The following DMRT3 variants were observed in gnomAD, a reference collection of about 807,000 sequenced individuals.
DMRT3 encodes doublesex and mab-3 related transcription factor 3, also known as doublesex- and mab-3-related transcription factor 3.
Under a neutral mutation model 34.9 loss-of-function variants are expected in DMRT3, and 29 were observed. The observed-to-expected ratio is 0.83, with a 90% CI of 0.62 to 1.13. The LOEUF (loss-of-function observed/expected upper bound fraction) is 1.13. Among genes scored for constraint, DMRT3 ranks in the 50% most tolerant of loss-of-function variants. DMRT3 has a pLI of 0.00. For synonymous variants in DMRT3, 350 were observed against 286.0 expected (o/e 1.22, Z -2.26); for missense variants, 772 against 629.1 (o/e 1.23, Z -2.43).
intron 1 of DMRT3, among the ~76,000 whole-genome samples, chr9:986,366 A>G (rs1333128654): frequency 1.3e-5 from 2 of 151,018 alleles, no homozygotes. Flanking sequence ...GTAATGGTAG[A>G]GTCATTATGT....
At position 991,174 on chromosome 9, in the gene DMRT3, C is replaced by G; in HGVS notation, c.*169C>G. 1 of 901,338 alleles carries G rather than the reference C, an allele frequency of 1.1e-6. No individual in the cohort carries two copies. The allele number at this position is 901,338 out of a possible 1,614,324, so 55.8% of individuals were successfully genotyped here. On this transcript the variant is annotated 3_prime_UTR_variant, in exon 2 of 2. Transcript: ENST00000190165. ...AACATAACTTATTTAACTTCTTGCA[C>G]TTCACTGGAAAATGCCAAATAGCTC...
chr9:990,248 C>T lies in DMRT3; in HGVS notation c.662C>T (p.Pro221Leu). 6.2e-7 allele frequency: 1 copy of T among 1,613,964 alleles called. No individual in the cohort carries two copies. The highest frequency in any genetic ancestry group is 1.1e-5 in the South Asian group (1 of 91,042). Residue 221 changes from proline (P) to leucine (L), a missense_variant, in exon 2 of 2, where the codon CCC becomes CTC. Coordinates refer to ENST00000190165, the MANE Select transcript of DMRT3 (RefSeq NM_021240.4). ...AACCCCGAGAGCCGCCCTGACAGCC[C>T]CAAGTGTCACGCGGAGCAGAATCAC... ...GGNPESRPDS[P>L]KCHAEQNHLL...
At position 977,397 on chromosome 9, in the gene DMRT3, G is replaced by C; in HGVS notation, c.396G>C (p.Ala132=). 8.0e-7 allele frequency: 1 copy of C among 1,248,066 alleles called. No individual in the cohort carries two copies. The highest frequency in any genetic ancestry group is 1.0e-6 in the Non-Finnish European group (1 of 998,370). The allele number at this position is 1,248,066 out of a possible 1,614,324, so 77.3% of individuals were successfully genotyped here. ...RPAAELAAAA[A]LRWTAEPQPG... is the part of the protein sequence containing the mutation. The stretch of plus-strand genomic sequence containing the variant: ...CTGCCGAGTTGGCCGCGGCCGCCGC[G>C]CTGCGTTGGACTGCCGAGCCGCAGC... Residue 132 remains alanine (A), a synonymous_variant, in exon 1 of 2, where the codon GCG becomes GCC. Transcript: ENST00000190165.
intron 1 of DMRT3, among the ~76,000 whole-genome samples, chr9:980,412 T>A (rs967258093): frequency 2.0e-5 from 3 of 152,182 alleles, no homozygotes; most frequent in Non-Finnish European, 4.4e-5. Context: ...GTATTCTTTT[T>A]TCTTTTTGAA....
Position 976,887 on chromosome 9 carries a change from A to T in DMRT3, c.-115A>T. The T allele has an allele frequency of 8.5e-7, 1 of 1,175,828 alleles. No individual in the cohort carries two copies. Among genetic ancestry groups the T allele is most frequent in the Non-Finnish European group, 1.1e-6 (1 of 900,810 alleles). 72.8% of individuals were successfully genotyped at this position (1,175,828 alleles called of 1,614,324 possible). A position where few individuals can be genotyped will look rare whatever the true frequency, so the allele number is the denominator to read the frequency against. The stretch of plus-strand genomic sequence containing the variant: ...CACACACGACCACCGGGGCTGCGGG[A>T]CCAAGGGCCGCGTCGCCCGGAGGCC... On this transcript the variant is annotated 5_prime_UTR_variant, in exon 1 of 2. Coordinates refer to ENST00000190165, the MANE Select transcript of DMRT3 (RefSeq NM_021240.4). The surrounding 1 kb of genome is among the most constrained non-coding windows in gnomAD (Gnocchi z 4.5).
chr9:979,234 A>G (rs1206963427), intron 1 of DMRT3, among the ~76,000 whole-genome samples: 1 of 152,174 alleles, frequency 6.6e-6, no homozygotes, highest in Non-Finnish European at 1.5e-5. Flanking sequence ...TCACAAAACT[A>G]AAAACACAAC....
Position 990,800 on chromosome 9 carries a change from C to A in DMRT3, c.1214C>A (p.Ser405Tyr). 6.2e-7 allele frequency: 1 copy of A among 1,614,184 alleles called. No homozygotes were observed. Among genetic ancestry groups the A allele is most frequent in the Non-Finnish European group, 8.5e-7 (1 of 1,180,026 alleles). Residue 405 changes from serine to tyrosine, a missense_variant, in exon 2 of 2, where the codon TCC becomes TAC. By Grantham distance (144) the Ser-to-Tyr change is moderately radical. Coordinates refer to ENST00000190165, the MANE Select transcript of DMRT3 (RefSeq NM_021240.4). ...CTGCAGCAGCAGTATCAGCTGAGGT[C>A]CCAGTATGTCAGTCCTTTCCCCAGT... The part of the protein sequence containing the change: ...MTLQQQYQLR[S>Y]QYVSPFPSNS...
chr9:977,664 G>C lies in DMRT3; in HGVS notation c.454+209G>C, dbSNP rs1229243415. Among the ~76,000 whole-genome samples, 4 of 152,242 alleles carry C rather than the reference G, an allele frequency of 2.6e-5. No individual in the cohort carries two copies. The East Asian group carries it at 7.7e-4, about 29-fold the overall frequency. On this transcript the variant is annotated intron_variant, in intron 1 of 1. Coordinates refer to ENST00000190165, the MANE Select transcript of DMRT3 (RefSeq NM_021240.4). ...AGCGCGAGTGGCACTCGCGCCCGCAGGGAAGGCGCCTCCGGGCAGCCAAAC... is the reference window on the plus strand; with the variant it reads ...AGCGCGAGTGGCACTCGCGCCCGCACGGAAGGCGCCTCCGGGCAGCCAAAC...
chr9:980,724 C>A (rs1276262247), intron 1 of DMRT3, among the ~76,000 whole-genome samples: 1 of 152,150 alleles, frequency 6.6e-6, no homozygotes, highest in African/African-American at 2.4e-5. Context: ...GATCTTCCAA[C>A]TGTTAGTGTA....
chr9:991,476 C>T lies in DMRT3; in HGVS notation c.*471C>T. The T allele has an allele frequency of 6.5e-6, 1 of 154,660 alleles. No homozygotes were observed. Among genetic ancestry groups the T allele is most frequent in the East Asian group, 1.9e-4 (1 of 5,228 alleles). The allele number at this position is 154,660 out of a possible 1,614,324, so 9.6% of individuals were successfully genotyped here. A position where few individuals can be genotyped will look rare whatever the true frequency, so the allele number is the denominator to read the frequency against. On this transcript the variant is annotated 3_prime_UTR_variant, in exon 2 of 2. Coordinates refer to ENST00000190165, the MANE Select transcript of DMRT3 (RefSeq NM_021240.4). ...TATATTCTTACACTAAAAATCCTTG[C>T]ATTTTAAAGAGAGATGCACTTAAGA...
At chr9:983,989 G>A (rs1820252687) in intron 1 of DMRT3, among the ~76,000 whole-genome samples, 1 of 150,992 alleles carries the variant, frequency 6.6e-6, no homozygotes, top group South Asian at 2.1e-4. Context: ...TTTTTAGATC[G>A]AGATCATTCC....
At position 976,821 on chromosome 9, in the gene DMRT3, G is replaced by A. The variant is rs917817056; in HGVS notation, c.-181G>A. ...GGAGGCCGAGCTGTGAGCGCGAAGG[G>A]AGCTGGAGAGACGACTGCGGCACCT... is the stretch of plus-strand genomic sequence containing the variant. On this transcript the variant is annotated 5_prime_UTR_variant, in exon 1 of 2. Coordinates refer to ENST00000190165, the MANE Select transcript of DMRT3 (RefSeq NM_021240.4). This position sits in a 1 kb window ranked among gnomAD's most constrained non-coding sequence, Gnocchi z 4.5. The A allele has an allele frequency of 1.9e-6, 1 of 519,700 alleles. No individual in the cohort carries two copies. Among genetic ancestry groups the A allele is most frequent in the African/African-American group, 2.0e-5 (1 of 50,132 alleles). The allele number at this position is 519,700 out of a possible 1,614,324, so 32.2% of individuals were successfully genotyped here.
intron 1 of DMRT3, among the ~76,000 whole-genome samples, chr9:982,212 C>T (rs1403472596): frequency 2.6e-5 from 4 of 152,148 alleles, no homozygotes; most frequent in Middle Eastern, 6.3e-3. Context: ...CGCCTGTGCT[C>T]ATCTCCTAGT....
chr9:978,960 C>T (rs1439275759), intron 1 of DMRT3, among the ~76,000 whole-genome samples: 1 of 152,114 alleles, frequency 6.6e-6, no homozygotes, highest in Non-Finnish European at 1.5e-5. Context: ...TAGGTTTGAA[C>T]AAATAACAAG....
At chr9:983,092 C>T (rs1475501105) in intron 1 of DMRT3, among the ~76,000 whole-genome samples, 1 of 152,156 alleles carries the variant, frequency 6.6e-6, no homozygotes. Flanking sequence ...TACTACTGTT[C>T]TCAGAAGGGA....
Position 991,198 on chromosome 9 carries a change from T to A in DMRT3, c.*193T>A. 1 of 662,502 alleles carries A rather than the reference T, an allele frequency of 1.5e-6. No individual in the cohort carries two copies. Among genetic ancestry groups the A allele is most frequent in the Non-Finnish European group, 2.5e-6 (1 of 404,742 alleles). The allele number at this position is 662,502 out of a possible 1,614,324, so 41.0% of individuals were successfully genotyped here. On this transcript the variant is annotated 3_prime_UTR_variant, in exon 2 of 2. Coordinates refer to ENST00000190165, the MANE Select transcript of DMRT3 (RefSeq NM_021240.4). ...ACTTCACTGGAAAATGCCAAATAGC[T>A]CTGTTCTGTGGCTTTAGTGCTGAAT...
At position 990,570 on chromosome 9, in the gene DMRT3, G is replaced by A; in HGVS notation, c.984G>A (p.Trp328Ter). ...LSSYPISSSK[W>*]SVGSAFRVPD... ...CCTACCCCATCTCGTCTTCCAAATG[G>A]TCTGTGGGATCAGCCTTTCGAGTCC... The change falls in exon 2 of 2, where the codon TGG becomes TGA. Residue 328 changes from tryptophan (W) to a stop codon, truncating the protein, a stop_gained. Transcript: ENST00000190165. LOFTEE classifies it high-confidence loss of function. The A allele has an allele frequency of 6.2e-7, 1 of 1,614,036 alleles. No individual in the cohort carries two copies. Among genetic ancestry groups the A allele is most frequent in the Non-Finnish European group, 8.5e-7 (1 of 1,180,010 alleles).
chr9:979,636 G>C (rs1820192389), intron 1 of DMRT3, among the ~76,000 whole-genome samples: 1 of 152,018 alleles, frequency 6.6e-6, no homozygotes, highest in Non-Finnish European at 1.5e-5. Flanking sequence ...CCACTCTGAT[G>C]GGGAGTGGGG....
At position 990,978 on chromosome 9, in the gene DMRT3, C is replaced by T. The variant is rs1820357015; in HGVS notation, c.1392C>T (p.Asp464=). 1.2e-6 allele frequency: 2 copies of T among 1,613,136 alleles called. No homozygotes were observed. Among genetic ancestry groups the T allele is most frequent in the Non-Finnish European group, 1.7e-6 (2 of 1,179,386 alleles). ...ATGACGAGAGGTCTGACTCCTCAGA[C>T]TCTAGAACACTCAACACATCATCTT... The part of the protein sequence containing the change: ...DDYDERSDSS[D]SRTLNTSS The change falls in exon 2 of 2, where the codon GAC becomes GAT. Residue 464 remains aspartate, a synonymous_variant. Coordinates refer to ENST00000190165, the MANE Select transcript of DMRT3 (RefSeq NM_021240.4).
Sources: allele counts gnomAD v4.1 joint callset (sites outside exome capture counted in the v4.1 genomes callset), GRCh38; gene constraint gnomAD v4.1.1; non-coding constraint Gnocchi (gnomAD v3.1); transcripts MANE v1.5; gene names NCBI Gene and HGNC (gene_info 2026-07-23, HGNC 2026-07-21).